The following RIT2 variants were observed in gnomAD, a reference collection of about 807,000 sequenced individuals.
The protein encoded by RIT2 is Ras like without CAAX 2, also known as GTP-binding protein Rit2.
A neutral mutation model predicts 23.7 loss-of-function variants in RIT2; 24 were observed. The ratio of observed to expected loss-of-function variants is 1.01; its 90% CI spans 0.73 to 1.43. RIT2 has a LOEUF of 1.43. RIT2 is among the 40% of genes most tolerant of loss of function. The pLI is 0.00. For missense variants in RIT2, 236 were observed against 266.9 expected, an observed-to-expected ratio of 0.88 and a Z score of 0.81; for synonymous variants, 107 against 91.1, an observed-to-expected ratio of 1.17 and a Z score of -0.99.
intron 1 of RIT2, among the ~76,000 whole-genome samples, chr18:43,073,188 A>C (rs1285853854): frequency 3.3e-5 from 5 of 152,172 alleles, no homozygotes; most frequent in Admixed American, 3.3e-4. Context: ...CCAACTTCTT[A>C]GTCAAATGAC....
At chr18:42,840,793 G>A (rs1413956144) in intron 4 of RIT2, among the ~76,000 whole-genome samples, 4 of 152,170 alleles carry the variant, frequency 2.6e-5, no homozygotes, top group Admixed American at 6.5e-5. Context: ...GAGCCACCGC[G>A]CCCAGCTGCT....
intron 1 of RIT2, among the ~76,000 whole-genome samples, chr18:43,104,033 G>A (rs761444024): frequency 1.1e-4 from 16 of 152,176 alleles, no homozygotes; most frequent in Middle Eastern, 3.4e-3. Flanking sequence ...GGAATACAAC[G>A]GAACGCCCAT....
rs1340131853 is a variant in RIT2 at position 42,743,693 on chromosome 18, C to CA, written c.453dup (p.Ala152CysfsTer5). 6.2e-7 allele frequency: 1 copy of CA among 1,613,474 alleles called. No homozygotes were observed. Among genetic ancestry groups the CA allele is most frequent in the Non-Finnish European group, 8.5e-7 (1 of 1,179,684 alleles). On this transcript the variant is annotated frameshift_variant, in exon 5 of 5. Coordinates refer to ENST00000326695, the MANE Select transcript of RIT2 (RefSeq NM_002930.4). LOFTEE classifies it high-confidence loss of function. ...AAAAAACCACAATTATATTCTTGGG[C>CA]AAGACTCAAGCCTTCTTCTGTAGAA...
At chr18:42,830,402 G>A (rs146532920) in intron 4 of RIT2, among the ~76,000 whole-genome samples, 1 of 152,288 alleles carries the variant, frequency 6.6e-6, no homozygotes, top group Non-Finnish European at 1.5e-5. Context: ...AACATGGTCA[G>A]GATATCACAT....
chr18:42,756,727 G>A (rs142131449), intron 4 of RIT2, among the ~76,000 whole-genome samples: 10 of 152,170 alleles, frequency 6.6e-5, no homozygotes, highest in African/African-American at 2.4e-4. Flanking sequence ...ATAAATATGT[G>A]TGTTTGATGT....
chr18:42,811,474 T>C (rs1905847824), intron 4 of RIT2, among the ~76,000 whole-genome samples: 1 of 152,100 alleles, frequency 6.6e-6, no homozygotes, highest in Non-Finnish European at 1.5e-5. Flanking sequence ...CAGGAAAGTC[T>C]CCAAGATTGT....
At chr18:42,996,941 A>C (rs1284448735) in intron 2 of RIT2, among the ~76,000 whole-genome samples, 1 of 152,066 alleles carries the variant, frequency 6.6e-6, no homozygotes, top group Non-Finnish European at 1.5e-5. Context: ...CTCCTTCTTT[A>C]GGCTTCTGCA....
chr18:43,084,410 A>G (rs142268702), intron 1 of RIT2, among the ~76,000 whole-genome samples: 8 of 152,336 alleles, frequency 5.3e-5, no homozygotes, highest in Non-Finnish European at 1.2e-4. Context: ...ATTGTAAATC[A>G]TTCTACTATA....
At chr18:42,999,096 G>A (rs1165657330) in intron 2 of RIT2, among the ~76,000 whole-genome samples, 4 of 151,884 alleles carry the variant, frequency 2.6e-5, no homozygotes, top group Admixed American at 6.6e-5. Context: ...TTCCCGTCTC[G>A]AAGAAAAGCA....
chr18:42,962,538 C>T (rs987945517), intron 3 of RIT2, among the ~76,000 whole-genome samples: 11 of 152,072 alleles, frequency 7.2e-5, no homozygotes, highest in Admixed American at 1.3e-4. Context: ...CACTAACAGA[C>T]GTGTGTTTAG....
intron 2 of RIT2, among the ~76,000 whole-genome samples, chr18:42,983,133 C>T (rs1284278138): frequency 6.6e-6 from 1 of 151,912 alleles, no homozygotes; most frequent in Non-Finnish European, 1.5e-5. Flanking sequence ...ATAATCAAAA[C>T]AATATGATGT....
chr18:43,100,509 T>C (rs1207844062), intron 1 of RIT2, among the ~76,000 whole-genome samples: 1 of 152,126 alleles, frequency 6.6e-6, no homozygotes, highest in East Asian at 1.9e-4. Context: ...AAAGGACCAC[T>C]CTAGCTGCTG....
intron 4 of RIT2, among the ~76,000 whole-genome samples, chr18:42,836,356 G>A (rs1906603212): frequency 6.6e-6 from 1 of 152,042 alleles, no homozygotes; most frequent in African/African-American, 2.4e-5. Flanking sequence ...GACACAGAGT[G>A]GGATGGGGAG....
At chr18:42,789,160 C>T (rs983561691) in intron 4 of RIT2, among the ~76,000 whole-genome samples, 9 of 152,116 alleles carry the variant, frequency 5.9e-5, no homozygotes, top group African/African-American at 9.7e-5. Flanking sequence ...TTCATTCTAA[C>T]GCACCAACAA....
At chr18:42,977,625 G>A (rs985272457) in intron 2 of RIT2, among the ~76,000 whole-genome samples, 1 of 151,686 alleles carries the variant, frequency 6.6e-6, no homozygotes, top group Non-Finnish European at 1.5e-5. Flanking sequence ...ACACACATGG[G>A]CACATACAAT....
intron 4 of RIT2, among the ~76,000 whole-genome samples, chr18:42,892,785 C>T (rs1908216579): frequency 6.6e-6 from 1 of 152,192 alleles, no homozygotes. Flanking sequence ...GAAAGATCAC[C>T]TACTTACTCT....
intron 2 of RIT2, among the ~76,000 whole-genome samples, chr18:43,013,230 T>G (rs1183326177): frequency 1.3e-5 from 2 of 151,908 alleles, no homozygotes. Flanking sequence ...TCTGGCACTT[T>G]TGTTTAAAAA....
chr18:42,922,848 T>C (rs1036290281), intron 4 of RIT2, among the ~76,000 whole-genome samples: 2 of 152,114 alleles, frequency 1.3e-5, no homozygotes, highest in African/African-American at 2.4e-5. Context: ...CTGAAGGAAA[T>C]GGATGGTATA....
intron 4 of RIT2, among the ~76,000 whole-genome samples, chr18:42,881,727 C>A (rs1445631290): frequency 6.6e-6 from 1 of 152,088 alleles, no homozygotes; most frequent in Non-Finnish European, 1.5e-5. Flanking sequence ...GTTATGTGCC[C>A]CTCTTCTGTG....
Sources: allele counts gnomAD v4.1 joint callset (sites outside exome capture counted in the v4.1 genomes callset), GRCh38; gene constraint gnomAD v4.1.1; transcripts MANE v1.5; gene names NCBI Gene and HGNC (gene_info 2026-07-23, HGNC 2026-07-21).